The following ADRA1A variants were observed in gnomAD, a reference collection of about 807,000 sequenced individuals.
ADRA1A encodes alpha-1A adrenergic receptor.
In ADRA1A, 31 loss-of-function variants were observed where a neutral mutation model predicts 29.6. The ratio of observed to expected loss-of-function variants is 1.05; its 90% CI spans 0.79 to 1.41. The LOEUF is 1.41. Among genes scored for constraint, ADRA1A ranks in the 40% most tolerant of loss-of-function variants. ADRA1A has a pLI of 0.00. For synonymous variants in ADRA1A, 311 were observed against 254.3 expected (o/e 1.22, Z -2.12); for missense variants, 619 against 601.1 (o/e 1.03, Z -0.31).
chr8:26,864,647 A>G lies in ADRA1A; in HGVS notation c.323T>C (p.Leu108Pro). ...FCNIWAAVDV[L>P]CCTASIMGLC... ...GCCCATGATGGACGCGGTGCAGCAC[A>G]GCACATCCACTGCCGCCCAGATGTT... The change falls in exon 2 of 3, where the codon CTG (leucine) becomes CCG (proline). Residue 108 changes from leucine to proline, a missense_variant. By Grantham distance (98) the Leu-to-Pro change is moderately conservative. Transcript: ENST00000380573. This position sits in a 1 kb window ranked among gnomAD's most constrained non-coding sequence, Gnocchi z 8.1. 1.2e-6 allele frequency: 2 copies of G among 1,614,206 alleles called. No homozygotes were observed. Among genetic ancestry groups the G allele is most frequent in the East Asian group, 2.2e-5 (1 of 44,876 alleles).
chr8:26,754,204 T>C (rs1174117301), downstream of ADRA1A, among the ~76,000 whole-genome samples: 2 of 152,214 alleles, frequency 1.3e-5, no homozygotes, highest in African/African-American at 4.8e-5. Context: ...GAAGCCATTG[T>C]AGTCAGCCTG....
chr8:26,841,263 C>T lies in ADRA1A; in HGVS notation c.883+22824G>A, dbSNP rs998212860. On this transcript the variant is annotated intron_variant, in intron 2 of 2. Coordinates refer to ENST00000380573, the MANE Select transcript of ADRA1A (RefSeq NM_000680.4). This position sits in a 1 kb window ranked among gnomAD's most constrained non-coding sequence, Gnocchi z 4.4. ...GAAGTGGGAAGTAGCAGGCAGATCA[C>T]GCTGACAGGTTGGCTTCAAGTGACC... Among the ~76,000 whole-genome samples, 2 of 152,168 alleles carry T rather than the reference C, an allele frequency of 1.3e-5. No homozygotes were observed. Among genetic ancestry groups the T allele is most frequent in the Non-Finnish European group, 2.9e-5 (2 of 68,026 alleles).
intron 2 of ADRA1A, among the ~76,000 whole-genome samples, chr8:26,843,170 G>A (rs1186023148): frequency 1.3e-5 from 2 of 152,092 alleles, no homozygotes; most frequent in Non-Finnish European, 2.9e-5. Flanking sequence ...CCCCAGATTA[G>A]ACTTGAAGAA....
intron 2 of ADRA1A, among the ~76,000 whole-genome samples, chr8:26,797,987 C>CT (rs35607881): frequency 0.091 from 13,456 of 148,526 alleles, 956 homozygotes; most frequent in East Asian, 0.33. Context: ...GTAAGTTAGT[C>CT]TTTTTTTTTT....
rs142498616 is a variant in ADRA1A, at chr8:26,773,930, C to T, written c.884-3264G>A. 3.6e-3 allele frequency among the ~76,000 whole-genome samples: 543 copies of T among 152,294 alleles called. 3 individuals are homozygous for T. The highest frequency in any genetic ancestry group is 0.013 in the African/African-American group (524 of 41,566). ...CTCTCTGTACCCCACTCAAAACACTCATTTCTTCAACATGGCTCAGGTATA... is the reference window on the plus strand; with the variant it reads ...CTCTCTGTACCCCACTCAAAACACTTATTTCTTCAACATGGCTCAGGTATA... On this transcript the variant is annotated intron_variant, in intron 2 of 2. Transcript: ENST00000380573.
In ADRA1A at chr8:26,860,338, T is replaced by A. The variant is rs1563316204; in HGVS notation, c.883+3749A>T. 6.6e-6 allele frequency among the ~76,000 whole-genome samples: 1 copy of A among 152,164 alleles called. No individual in the cohort carries two copies. The highest frequency in any genetic ancestry group is 2.1e-4 in the South Asian group (1 of 4,830). ...CTGGGCTCCTTCTACAACCTGGCTG[T>A]GGATGCTCCCTAACCTGACCGAGTC... On this transcript the variant is annotated intron_variant, in intron 2 of 2. Transcript: ENST00000380573. The surrounding 1 kb of genome is among the most constrained non-coding windows in gnomAD (Gnocchi z 4.7).
chr8:26,764,930 A>G (rs1319480963), downstream of ADRA1A, among the ~76,000 whole-genome samples: 1 of 152,188 alleles, frequency 6.6e-6, no homozygotes, highest in African/African-American at 2.4e-5. Flanking sequence ...AGTAATAATC[A>G]TTTCCAGTTT....
rs141672591 is a variant in ADRA1A at position 26,850,025 on chromosome 8, C to CAAAAAACAAAAAACAAAAAACA, written c.883+14061_883+14062insTGTTTTTTGTTTTTTGTTTTTT. ...AAAAGTGACTAATGAGAGAGAAATG[C>CAAAAAACAAAAAACAAAAAACA]AAAAACAAAAAACAAAAAACAAAAA... is the stretch of plus-strand genomic sequence containing the variant. On this transcript the variant is annotated intron_variant, in intron 2 of 2. Coordinates refer to ENST00000380573, the MANE Select transcript of ADRA1A (RefSeq NM_000680.4). 8.1e-3 allele frequency among the ~76,000 whole-genome samples: 986 copies of CAAAAAACAAAAAACAAAAAACA among 121,580 alleles called. 23 individuals carry two copies. Among genetic ancestry groups the CAAAAAACAAAAAACAAAAAACA allele is most frequent in the African/African-American group, 0.028 (868 of 31,322 alleles). 79.8% of individuals were successfully genotyped at this position (121,580 alleles called of 152,430 possible).
intron 2 of ADRA1A, among the ~76,000 whole-genome samples, chr8:26,845,262 T>G (rs1196771328): frequency 6.6e-6 from 1 of 152,000 alleles, no homozygotes; most frequent in Non-Finnish European, 1.5e-5. Flanking sequence ...ATAACCCAAT[T>G]AAAAAATGGG....
intron 2 of ADRA1A, among the ~76,000 whole-genome samples, chr8:26,818,465 G>A (rs145853223): frequency 3.3e-4 from 50 of 152,008 alleles, no homozygotes; most frequent in African/African-American, 1.1e-3. Flanking sequence ...CTTCCTACAC[G>A]TGAACAATAG....
chr8:26,813,945 C>A (rs1237237427), intron 2 of ADRA1A, among the ~76,000 whole-genome samples: 3 of 152,140 alleles, frequency 2.0e-5, no homozygotes, highest in Non-Finnish European at 4.4e-5. Context: ...TGACATGGAC[C>A]TGCCAAGCCA....
intron 2 of ADRA1A, among the ~76,000 whole-genome samples, chr8:26,819,248 A>C (rs1809982919): frequency 1.3e-5 from 2 of 152,192 alleles, no homozygotes; most frequent in East Asian, 3.9e-4. Flanking sequence ...TTTCCCAGAG[A>C]AACAAAAGCT....
chr8:26,774,457 C>A (rs911938793), intron 2 of ADRA1A, among the ~76,000 whole-genome samples: 15 of 152,106 alleles, frequency 9.9e-5, no homozygotes, highest in African/African-American at 3.6e-4. Flanking sequence ...TCACTTGACA[C>A]CAGGAGTTTG....
chr8:26,780,397 G>A (rs1806881557), intron 2 of ADRA1A, among the ~76,000 whole-genome samples: 1 of 152,042 alleles, frequency 6.6e-6, no homozygotes, highest in Non-Finnish European at 1.5e-5. Flanking sequence ...GTTAGTTCAC[G>A]AGGTGACTGT....
chr8:26,851,909 A>G (rs1812664659), intron 2 of ADRA1A, among the ~76,000 whole-genome samples: 1 of 152,140 alleles, frequency 6.6e-6, no homozygotes, highest in African/African-American at 2.4e-5. Flanking sequence ...TCTGGAAAAC[A>G]CCACTATTAA....
intron 2 of ADRA1A, among the ~76,000 whole-genome samples, chr8:26,837,255 T>A (rs1256718281): frequency 1.3e-5 from 2 of 152,212 alleles, no homozygotes; most frequent in Admixed American, 6.5e-5. Context: ...ATTGATTATG[T>A]GGGATAAAAT....
At chr8:26,768,407 A>T (rs1355776089), downstream of ADRA1A, among the ~76,000 whole-genome samples, 1 of 152,182 alleles carries the variant, frequency 6.6e-6, no homozygotes, top group Non-Finnish European at 1.5e-5. Context: ...TTAAATCCTT[A>T]TTGTGAAAAG....
chr8:26,864,815 G>A lies in ADRA1A; in HGVS notation c.155C>T (p.Ala52Val), dbSNP rs376184998. ...LGNILVILSV[A>V]CHRHLHSVTH... ...GACTGAGTGCAGGTGTCGGTGACAG[G>A]CTACGGAGAGGATCACTAGGATGTT... The change falls in exon 2 of 3, where the codon GCC (alanine) becomes GTC (valine). Residue 52 changes from alanine to valine, a missense_variant. Coordinates refer to ENST00000380573, the MANE Select transcript of ADRA1A (RefSeq NM_000680.4). The surrounding 1 kb of genome is among the most constrained non-coding windows in gnomAD (Gnocchi z 8.1). 34 of 1,614,016 alleles carry A rather than the reference G, an allele frequency of 2.1e-5. No individual in the cohort carries two copies. The African/African-American group carries it at 2.3e-4, about 11-fold the overall frequency.
intron 2 of ADRA1A, among the ~76,000 whole-genome samples, chr8:26,804,551 G>T (rs908131146): frequency 3.9e-5 from 6 of 152,204 alleles, no homozygotes; most frequent in African/African-American, 1.4e-4. Context: ...ATAATCTACA[G>T]TGATGGTAAA....
Sources: gnomAD v4.1 joint callset for allele counts (sites outside exome capture counted in the v4.1 genomes callset) on GRCh38, gnomAD v4.1.1 for gene constraint, Gnocchi (gnomAD v3.1) non-coding constraint, MANE v1.5 for transcripts, NCBI Gene and HGNC (gene_info 2026-07-23, HGNC 2026-07-21) for gene names.